SLFN12L: variants seen among roughly 807,000 people sequenced by gnomAD.
The protein encoded by SLFN12L is schlafen family member 12 like, also known as schlafen family member 12-like.
A neutral mutation model predicts 34.8 loss-of-function variants in SLFN12L; 34 were observed. That is an observed-to-expected ratio of 0.98 (90% CI 0.74 to 1.30). SLFN12L has a LOEUF of 1.30. Ranked by LOEUF, SLFN12L falls within the 50% of genes most tolerant of loss-of-function variation. The probability of loss-of-function intolerance (pLI) is 0.00; values close to 1 mark genes in which losing one functional copy is unlikely to be tolerated. For missense variants in SLFN12L, 703 were observed against 696.2 expected (o/e 1.01, Z -0.11); for synonymous variants, 259 against 247.5 (o/e 1.05, Z -0.44).
rs1913721289 is a variant in SLFN12L, at chr17:35,466,496, A to G, written c.*8427T>C. Among the ~76,000 whole-genome samples the G allele has an allele frequency of 6.6e-6, 1 of 152,224 alleles. No homozygotes were observed. The highest frequency in any genetic ancestry group is 1.5e-5 in the Non-Finnish European group (1 of 68,024). ...ACCTTCCTCTGGGAGCACAGATATG[A>G]TATTACATTAATAACCTCCTCCAAG... On this transcript the variant is annotated 3_prime_UTR_variant, in exon 5 of 5. Coordinates refer to ENST00000628453, the MANE Select transcript of SLFN12L (RefSeq NM_001363830.2).
intron 2 of SLFN12L, among the ~76,000 whole-genome samples, chr17:35,504,701 G>A (rs1385387095): frequency 6.6e-6 from 1 of 152,162 alleles, no homozygotes; most frequent in Non-Finnish European, 1.5e-5. Context: ...CAGCCCCCAG[G>A]GGACATCCAG....
At chr17:35,503,934 C>T (rs955930260) in intron 2 of SLFN12L, among the ~76,000 whole-genome samples, 1 of 152,060 alleles carries the variant, frequency 6.6e-6, no homozygotes, top group African/African-American at 2.4e-5. Flanking sequence ...AAAGCACCAC[C>T]CCCTCCAGAG....
intron 1 of SLFN12L, among the ~76,000 whole-genome samples, chr17:35,530,516 AG>A (rs1326854278): frequency 0.038 from 1,308 of 34,816 alleles, 203 homozygotes; most frequent in Non-Finnish European, 0.054. Context: ...AAGAAAGAAA[AG>A]AAAAGAAAAG....
intron 2 of SLFN12L, among the ~76,000 whole-genome samples, chr17:35,484,503 G>A (rs777260461): frequency 1.1e-4 from 17 of 152,142 alleles, no homozygotes; most frequent in Non-Finnish European, 2.1e-4. Flanking sequence ...TCCAGTGCCA[G>A]GTACCAATCA....
At chr17:35,508,897 G>A (rs1481361980) in intron 2 of SLFN12L, among the ~76,000 whole-genome samples, 6 of 152,068 alleles carry the variant, frequency 3.9e-5, no homozygotes, top group African/African-American at 1.2e-4. Context: ...TAATATTAAG[G>A]AAGATAGCAT....
chr17:35,484,507 C>T (rs564046082), intron 2 of SLFN12L, among the ~76,000 whole-genome samples: 1 of 152,132 alleles, frequency 6.6e-6, no homozygotes, highest in South Asian at 2.1e-4. Context: ...GTGCCAGGTA[C>T]CAATCAGCAC....
intron 2 of SLFN12L, among the ~76,000 whole-genome samples, chr17:35,494,234 A>T (rs1914953958): frequency 6.6e-6 from 1 of 151,934 alleles, no homozygotes; most frequent in African/African-American, 2.4e-5. Flanking sequence ...AATGTAAAAA[A>T]AAAACAACAA....
At position 35,479,670 on chromosome 17, in the gene SLFN12L, G is replaced by T. The variant is rs1447330797; in HGVS notation, c.612C>A (p.Phe204Leu). 3 of 1,611,932 alleles carry T rather than the reference G, an allele frequency of 1.9e-6. No individual in the cohort carries two copies. Among genetic ancestry groups the T allele is most frequent in the Non-Finnish European group, 2.5e-6 (3 of 1,178,810 alleles). ...TGGRAYLRPE[F>L]PAKRACVDVQ... The stretch of plus-strand genomic sequence containing the variant: ...CATCAACACAGGCCCTTTTTGCAGG[G>T]AATTCTGGTCTTAAATATGCTCTCC... The change falls in exon 3 of 5, where the codon TTC becomes TTA. Residue 204 changes from phenylalanine to leucine, a missense_variant. Phe to Leu is a conservative substitution (Grantham distance 22). Transcript: ENST00000628453.
chr17:35,484,049 C>A (rs960625458), intron 2 of SLFN12L, among the ~76,000 whole-genome samples: 1 of 152,138 alleles, frequency 6.6e-6, no homozygotes, highest in African/African-American at 2.4e-5. Context: ...TTTACAGGGA[C>A]CAGAGTAGAT....
chr17:35,515,279 C>G (rs1210361231), intron 2 of SLFN12L: 5 of 390,174 alleles, frequency 1.3e-5, no homozygotes, highest in Non-Finnish European at 2.4e-5. Context: ...CGCTCAGACC[C>G]GACGCCGGCG....
intron 2 of SLFN12L, among the ~76,000 whole-genome samples, chr17:35,503,500 T>C (rs1348420636): frequency 6.6e-6 from 1 of 152,142 alleles, no homozygotes; most frequent in Non-Finnish European, 1.5e-5. Flanking sequence ...GAAATTTAGC[T>C]TATCTGGTAT....
intron 1 of SLFN12L, among the ~76,000 whole-genome samples, chr17:35,528,574 C>T (rs1335968045): frequency 2.6e-5 from 4 of 152,096 alleles, no homozygotes; most frequent in Non-Finnish European, 4.4e-5. Context: ...ACAAACCTAA[C>T]AAAAACAAGC....
At chr17:35,505,589 C>T (rs73279669) in intron 2 of SLFN12L, among the ~76,000 whole-genome samples, 5,638 of 152,280 alleles carry the variant, frequency 0.037, 360 homozygotes, top group African/African-American at 0.13. Flanking sequence ...ACACCCTAAA[C>T]CCTGCCACCT....
chr17:35,502,345 A>C (rs138047888), intron 2 of SLFN12L, among the ~76,000 whole-genome samples: 1,955 of 151,076 alleles, frequency 0.013, 41 homozygotes, highest in African/African-American at 0.045. Context: ...TGCTAACAGA[A>C]GAAAGTAAAA....
intron 4 of SLFN12L, among the ~76,000 whole-genome samples, chr17:35,477,626 C>T (rs770509044): frequency 5.9e-5 from 9 of 151,982 alleles, no homozygotes; most frequent in South Asian, 2.1e-4. Flanking sequence ...AAGACAGAAT[C>T]GCCACTTCAT....
chr17:35,485,858 T>C (rs1914559621), intron 2 of SLFN12L, among the ~76,000 whole-genome samples: 1 of 152,188 alleles, frequency 6.6e-6, no homozygotes, highest in Non-Finnish European at 1.5e-5. Flanking sequence ...GGTCTACGTG[T>C]CTATTTTTGT....
chr17:35,475,924 T>TA (rs397940524), intron 4 of SLFN12L, among the ~76,000 whole-genome samples: 35 of 129,912 alleles, frequency 2.7e-4, no homozygotes, highest in Admixed American at 5.4e-4. Flanking sequence ...TATATATATA[T>TA]TTTTTTAAAT....
intron 2 of SLFN12L, among the ~76,000 whole-genome samples, chr17:35,484,178 G>A (rs1914483600): frequency 6.6e-6 from 1 of 152,074 alleles, no homozygotes; most frequent in Non-Finnish European, 1.5e-5. Context: ...CTCCACCTTT[G>A]TCACCTGATA....
chr17:35,527,050 TGCAA>T, intron 1 of SLFN12L, among the ~76,000 whole-genome samples: 1 of 151,590 alleles, frequency 6.6e-6, no homozygotes, highest in Non-Finnish European at 1.5e-5. Context: ...CCCACAGAAA[TGCAA>T]ACCACCATCA....
Sources: allele counts gnomAD v4.1 joint callset (sites outside exome capture counted in the v4.1 genomes callset), GRCh38; gene constraint gnomAD v4.1.1; transcripts MANE v1.5; gene names NCBI Gene and HGNC (gene_info 2026-07-23, HGNC 2026-07-21).